Variants in BBS9 observed in about 807,000 individuals in gnomAD.
BBS9 encodes Bardet-Biedl syndrome 9, also known as protein PTHB1.
In BBS9, 89 loss-of-function variants were observed where a neutral mutation model predicts 117.7. The ratio of observed to expected loss-of-function variants is 0.76; its 90% CI spans 0.64 to 0.90. BBS9 has a LOEUF of 0.90. Ranked by LOEUF, BBS9 falls within the 40% of genes least tolerant of loss-of-function variation. The pLI is 0.00. For missense variants in BBS9, 982 were observed against 1,042.2 expected (o/e 0.94, Z 0.80); for synonymous variants, 379 against 370.9 (o/e 1.02, Z -0.25).
At chr7:33,253,859 T>C (rs546399318) in intron 5 of BBS9, among the ~76,000 whole-genome samples, 1 of 152,136 alleles carries the variant, frequency 6.6e-6, no homozygotes, top group South Asian at 2.1e-4. Context: ...AACATAATAA[T>C]ATGATGCGTC....
At chr7:33,256,482 CTTTTT>C (rs149332483) in intron 5 of BBS9, among the ~76,000 whole-genome samples, 15,754 of 151,880 alleles carry the variant, frequency 0.1, 1,132 homozygotes, top group Non-Finnish European at 0.16. Flanking sequence ...TGTTCTCTCT[CTTTTT>C]TTCTTTTTTT....
intron 9 of BBS9, among the ~76,000 whole-genome samples, chr7:33,326,260 G>C (rs188304117): frequency 1.3e-4 from 16 of 126,766 alleles, no homozygotes; most frequent in Admixed American, 3.9e-4. Context: ...CTTCTCCCTT[G>C]AATCTCTCCC....
intron 19 of BBS9, among the ~76,000 whole-genome samples, chr7:33,449,132 C>T (rs1217238472): frequency 3.9e-5 from 6 of 152,168 alleles, no homozygotes; most frequent in African/African-American, 1.2e-4. Flanking sequence ...AACCCAGGTC[C>T]TGAGTCCTTG....
At chr7:33,502,975 T>A (rs1443063263) in intron 19 of BBS9, among the ~76,000 whole-genome samples, 1 of 152,234 alleles carries the variant, frequency 6.6e-6, no homozygotes, top group Non-Finnish European at 1.5e-5. Flanking sequence ...TCACAGCTTC[T>A]GATGGTATTT....
At chr7:33,363,555 C>T (rs1056525434) in intron 16 of BBS9, among the ~76,000 whole-genome samples, 4 of 152,142 alleles carry the variant, frequency 2.6e-5, no homozygotes, top group African/African-American at 7.2e-5. Flanking sequence ...TCTTCCATTC[C>T]AACTGGATTG....
At chr7:33,151,754 T>G (rs537230097) in intron 2 of BBS9, among the ~76,000 whole-genome samples, 2 of 152,036 alleles carry the variant, frequency 1.3e-5, no homozygotes, top group East Asian at 3.9e-4. Context: ...TTTCAACATG[T>G]TGGCCAGGCT....
intron 19 of BBS9, among the ~76,000 whole-genome samples, chr7:33,430,072 C>G (rs1834216154): frequency 6.6e-6 from 1 of 152,128 alleles, no homozygotes; most frequent in Non-Finnish European, 1.5e-5. Context: ...TGGGTCCAAC[C>G]TGGACTACAT....
intron 21 of BBS9, among the ~76,000 whole-genome samples, chr7:33,550,753 A>G (rs1854290623): frequency 6.6e-6 from 1 of 152,218 alleles, no homozygotes; most frequent in Admixed American, 6.5e-5. Context: ...TTTTTAAACA[A>G]TTAAAAATTA....
At chr7:33,190,193 C>T (rs534171393) in intron 5 of BBS9, among the ~76,000 whole-genome samples, 172 of 147,896 alleles carry the variant, frequency 1.2e-3, no homozygotes, top group African/African-American at 4.1e-3. Flanking sequence ...AATCTCGGCT[C>T]ACTGCAAGCT....
At chr7:33,473,402 C>G (rs903363235) in intron 19 of BBS9, among the ~76,000 whole-genome samples, 1 of 149,632 alleles carries the variant, frequency 6.7e-6, no homozygotes, top group Non-Finnish European at 1.5e-5. Context: ...TGGCTCACTG[C>G]AACTTCCGCC....
rs547700165 is a variant in BBS9, at chr7:33,313,451, G to A, written c.1017-22990G>A. On this transcript the variant is annotated intron_variant, in intron 9 of 22. Transcript: ENST00000242067. ...AGTTACATCATTTTCTTTTTTTCTG[G>A]TTAGCAATTGTTTAGTCTGTGAACA... Among the ~76,000 whole-genome samples the A allele has an allele frequency of 2.0e-4, 30 of 152,130 alleles. 1 individual carries two copies. The South Asian group carries it at 4.8e-3, about 24-fold the overall frequency.
chr7:33,515,899 A>G (rs138269093), intron 20 of BBS9, among the ~76,000 whole-genome samples: 293 of 152,332 alleles, frequency 1.9e-3, no homozygotes, highest in African/African-American at 6.6e-3. Flanking sequence ...TCAACTTTAT[A>G]CTTCTAACTA....
chr7:33,265,023 T>A (rs1435102922), intron 7 of BBS9, among the ~76,000 whole-genome samples: 5 of 152,166 alleles, frequency 3.3e-5, no homozygotes, highest in Non-Finnish European at 7.4e-5. Flanking sequence ...AAATTGTAAA[T>A]GATGAATTCT....
chr7:33,233,238 T>C (rs559145008), intron 5 of BBS9, among the ~76,000 whole-genome samples: 73 of 152,236 alleles, frequency 4.8e-4, no homozygotes, highest in African/African-American at 1.7e-3. Context: ...TCTCTTTTTG[T>C]TTTGTTTTTG....
intron 11 of BBS9, among the ~76,000 whole-genome samples, chr7:33,342,221 A>G (rs1031996059): frequency 5.3e-5 from 8 of 152,112 alleles, no homozygotes; most frequent in Admixed American, 1.3e-4. Flanking sequence ...GTAGGACTAT[A>G]TATGAAAGAA....
intron 21 of BBS9, among the ~76,000 whole-genome samples, chr7:33,573,950 G>A (rs1858268795): frequency 6.6e-6 from 1 of 152,106 alleles, no homozygotes; most frequent in Non-Finnish European, 1.5e-5. Context: ...TGGTGGCGCT[G>A]CTATCTTTGT....
At chr7:33,290,044 CAA>C (rs202030600) in intron 9 of BBS9, among the ~76,000 whole-genome samples, 15,214 of 141,840 alleles carry the variant, frequency 0.11, 1,059 homozygotes, top group Non-Finnish European at 0.16. Flanking sequence ...GACTCTATCT[CAA>C]AAAAAAAAAA....
intron 21 of BBS9, among the ~76,000 whole-genome samples, chr7:33,616,107 G>A (rs1378181399): frequency 3.3e-5 from 5 of 152,016 alleles, no homozygotes; most frequent in African/African-American, 1.2e-4. Context: ...TCTACATAAA[G>A]AAGAGCATCA....
At chr7:33,353,630 T>A (rs1016068968) in intron 15 of BBS9, among the ~76,000 whole-genome samples, 1 of 105,900 alleles carries the variant, frequency 9.4e-6, no homozygotes, top group Non-Finnish European at 2.3e-5. Flanking sequence ...AATGTGGTAG[T>A]TTATCTTTAT....
Sources: gnomAD v4.1 joint callset for allele counts (sites outside exome capture counted in the v4.1 genomes callset) on GRCh38, gnomAD v4.1.1 for gene constraint, MANE v1.5 for transcripts, NCBI Gene and HGNC (gene_info 2026-07-23, HGNC 2026-07-21) for gene names.